The following TFB1M variants were observed in gnomAD, a reference collection of about 807,000 sequenced individuals.
TFB1M encodes the protein transcription factor B1, mitochondrial.
A neutral mutation model predicts 31.1 loss-of-function variants in TFB1M; 27 were observed. The ratio of observed to expected loss-of-function variants is 0.87; its 90% CI spans 0.64 to 1.20. TFB1M has a LOEUF of 1.20. Ranked by LOEUF, TFB1M falls within the 50% of genes most tolerant of loss-of-function variation. TFB1M has a pLI of 0.00. For synonymous variants in TFB1M, 166 were observed against 151.8 expected, an observed-to-expected ratio of 1.09 and a Z score of -0.69; for missense variants, 394 against 418.7, an observed-to-expected ratio of 0.94 and a Z score of 0.51.
downstream of TFB1M, chr6:155,253,937 A>G: frequency 6.4e-7 from 1 of 1,564,084 alleles, no homozygotes; most frequent in South Asian, 1.2e-5. Context: ...TTTTGGGCAA[A>G]GTTGTAGACT....
At chr6:155,263,097 G>A (rs1205501188) in intron 5 of TFB1M, among the ~76,000 whole-genome samples, 2 of 152,126 alleles carry the variant, frequency 1.3e-5, no homozygotes. Flanking sequence ...GACCTCTCCT[G>A]TACCACCCCT....
At chr6:155,249,155 GA>G in the TFB1M span, among the ~76,000 whole-genome samples, 10 of 151,708 alleles carry the variant, frequency 6.6e-5, no homozygotes, top group East Asian at 5.8e-4. Flanking sequence ...TGAATTGGGA[GA>G]AAAAAAAGTA....
chr6:155,251,974 A>G (rs779465528), downstream of TFB1M: 2 of 1,604,674 alleles, frequency 1.2e-6, no homozygotes, highest in Non-Finnish European at 1.7e-6. Flanking sequence ...ACTGGTTTAT[A>G]AAGAAAACTG....
intron 5 of TFB1M, chr6:155,276,472 CAAAG>C: frequency 8.7e-7 from 1 of 1,146,398 alleles, no homozygotes; most frequent in Non-Finnish European, 1.2e-6. Context: ...ACTTTCCCTA[CAAAG>C]AAAGTAGAAT....
chr6:155,269,379 T>A (rs1037416947), intron 5 of TFB1M, among the ~76,000 whole-genome samples: 1 of 148,114 alleles, frequency 6.8e-6, no homozygotes, highest in Non-Finnish European at 1.5e-5. Context: ...TGGAGTGCTA[T>A]GACACGATCT....
intron 2 of TFB1M, among the ~76,000 whole-genome samples, chr6:155,308,338 C>T (rs1375399273): frequency 6.6e-6 from 1 of 152,184 alleles, no homozygotes; most frequent in Non-Finnish European, 1.5e-5. Flanking sequence ...TCCTCCTATA[C>T]CTCTTTCCAG....
At chr6:155,245,551 C>A in the TFB1M span, 4 of 1,225,952 alleles carry the variant, frequency 3.3e-6, no homozygotes, top group South Asian at 1.2e-5. Flanking sequence ...AGCCATGGGG[C>A]CGTCAAATGC....
chr6:155,314,105 CA>C, intron 1 of TFB1M, 190 bp downstream of exon 1: 1 of 1,466,058 alleles, frequency 6.8e-7, no homozygotes, highest in South Asian at 1.4e-5. Context: ...GTTTTGTGAG[CA>C]ATCAACGCAC....
chr6:155,270,767 A>G (rs1003900478), intron 5 of TFB1M, among the ~76,000 whole-genome samples: 35 of 152,336 alleles, frequency 2.3e-4, no homozygotes, highest in Admixed American at 5.2e-4. Context: ...CATGGCGACC[A>G]GCGAAACAAG....
chr6:155,301,421 A>G (rs1005117932), intron 2 of TFB1M, among the ~76,000 whole-genome samples: 1 of 152,202 alleles, frequency 6.6e-6, no homozygotes, highest in Non-Finnish European at 1.5e-5. Context: ...GCCAACCAGT[A>G]GCAGAAATGT....
At chr6:155,230,870 G>C in the TFB1M span, among the ~76,000 whole-genome samples, 1 of 145,152 alleles carries the variant, frequency 6.9e-6, no homozygotes, top group Admixed American at 7.1e-5. Flanking sequence ...GTCTCGCTCT[G>C]TCACCCAGGC....
the TFB1M span, among the ~76,000 whole-genome samples, chr6:155,229,950 AACC>A: frequency 2.6e-5 from 4 of 151,976 alleles, no homozygotes; most frequent in African/African-American, 4.8e-5. Flanking sequence ...GCATGGGAGA[AACC>A]CACCCCCATG....
At chr6:155,300,517 G>A (rs1029455067) in intron 2 of TFB1M, among the ~76,000 whole-genome samples, 3 of 152,052 alleles carry the variant, frequency 2.0e-5, no homozygotes, top group Non-Finnish European at 4.4e-5. Context: ...AATGGAAAAC[G>A]CTAAAATTTT....
intron 2 of TFB1M, among the ~76,000 whole-genome samples, chr6:155,310,156 T>C (rs1199996003): frequency 6.6e-6 from 1 of 152,196 alleles, no homozygotes; most frequent in Non-Finnish European, 1.5e-5. Context: ...AGTATGAGAA[T>C]ATACTCGTTT....
chr6:155,282,659 G>A (rs951407748), intron 5 of TFB1M, among the ~76,000 whole-genome samples: 1 of 151,796 alleles, frequency 6.6e-6, no homozygotes, highest in Non-Finnish European at 1.5e-5. Context: ...AGAAGGTTTA[G>A]TTAGAGTACT....
In TFB1M at chr6:155,286,120, T is replaced by C. The variant is rs1052368834; in HGVS notation, c.547-843A>G. On this transcript the variant is annotated intron_variant, in intron 4 of 6. Coordinates refer to ENST00000367166, the MANE Select transcript of TFB1M (RefSeq NM_016020.4). ...CATTAGATATTTAACACACGATAGA[T>C]GCGATGTAGCAACTGCTAACAGAAA... 1.2e-4 allele frequency among the ~76,000 whole-genome samples: 19 copies of C among 152,094 alleles called. No individual in the cohort carries two copies. In the East Asian group the frequency reaches 3.5e-3, roughly 28 times the overall value.
the TFB1M span, among the ~76,000 whole-genome samples, chr6:155,239,633 A>C: frequency 8.5e-5 from 13 of 152,198 alleles, no homozygotes; most frequent in Non-Finnish European, 1.2e-4. Context: ...GCTTGTGCCA[A>C]AGGCCAGTGG....
chr6:155,248,504 G>T, the TFB1M span, among the ~76,000 whole-genome samples: 1 of 152,056 alleles, frequency 6.6e-6, no homozygotes, highest in Non-Finnish European at 1.5e-5. Context: ...AAACAGTGCC[G>T]CTGGAACTGA....
At chr6:155,276,342 A>C (rs754645889) in intron 5 of TFB1M, 1 of 1,613,500 alleles carries the variant, frequency 6.2e-7, no homozygotes, top group East Asian at 2.2e-5. Context: ...ACACAGCTCG[A>C]GAACAATTCC....
Sources: gnomAD v4.1 joint callset for allele counts (sites outside exome capture counted in the v4.1 genomes callset) on GRCh38, gnomAD v4.1.1 for gene constraint, MANE v1.5 for transcripts, NCBI Gene and HGNC (gene_info 2026-07-23, HGNC 2026-07-21) for gene names.